Variants in HLCS observed in about 807,000 individuals in gnomAD.
HLCS encodes the protein biotin--protein ligase.
In HLCS, 53 loss-of-function variants were observed where a neutral mutation model predicts 75.0. That is an observed-to-expected ratio of 0.71 (90% CI 0.57 to 0.89). The LOEUF (loss-of-function observed/expected upper bound fraction) is 0.89, where lower values mean the gene tolerates loss of function less well. Among genes scored for constraint, HLCS ranks in the 40% least tolerant of loss-of-function variants. The probability of loss-of-function intolerance (pLI) is 0.00; values close to 1 mark genes in which losing one functional copy is unlikely to be tolerated. For missense variants in HLCS, 966 were observed against 1,074.0 expected (o/e 0.90, Z 1.41); for synonymous variants, 431 against 428.6 (o/e 1.01, Z -0.07).
chr21:36,923,908 A>C (rs1464614921), intron 5 of HLCS, among the ~76,000 whole-genome samples: 1 of 152,200 alleles, frequency 6.6e-6, no homozygotes, highest in Non-Finnish European at 1.5e-5. Context: ...AGAAAGAGGT[A>C]TATGAAAGAC....
At chr21:36,846,674 C>T (rs556104710) in intron 6 of HLCS, among the ~76,000 whole-genome samples, 11 of 152,212 alleles carry the variant, frequency 7.2e-5, no homozygotes, top group Admixed American at 2.0e-4. Context: ...GTCAATATAC[C>T]GCACAGAAAT....
chr21:36,852,731 C>T lies in HLCS; in HGVS notation c.1892+44129G>A, dbSNP rs143030273. 4.1e-3 allele frequency among the ~76,000 whole-genome samples: 627 copies of T among 152,258 alleles called. 5 individuals carry two copies. Among genetic ancestry groups the T allele is most frequent in the African/African-American group, 0.014 (594 of 41,564 alleles). On this transcript the variant is annotated intron_variant, in intron 6 of 10. Transcript: ENST00000674895. ...CTGATCGTTAAGCCATATTCTAAGA[C>T]CTTGAGGACCCCACCCCAAGTCCTA...
intron 5 of HLCS, among the ~76,000 whole-genome samples, chr21:36,920,308 G>A (rs1371935967): frequency 1.3e-5 from 2 of 149,680 alleles, no homozygotes; most frequent in African/African-American, 2.5e-5. Flanking sequence ...ACTCCAACCT[G>A]AGTGACAGAA....
At chr21:36,798,461 T>C (rs1031836833) in intron 6 of HLCS, among the ~76,000 whole-genome samples, 22 of 152,246 alleles carry the variant, frequency 1.4e-4, no homozygotes, top group Non-Finnish European at 2.9e-5. Context: ...CTGCTATGAA[T>C]ATCTACATAC....
intron 5 of HLCS, among the ~76,000 whole-genome samples, chr21:36,897,708 A>G (rs1321146615): frequency 6.6e-6 from 1 of 152,212 alleles, no homozygotes; most frequent in Non-Finnish European, 1.5e-5. Context: ...GGTACCCCAA[A>G]GCTGCTTTCT....
intron 1 of HLCS, among the ~76,000 whole-genome samples, chr21:36,979,224 A>G (rs1047702914): frequency 6.6e-6 from 1 of 151,668 alleles, no homozygotes; most frequent in Non-Finnish European, 1.5e-5. Flanking sequence ...GTGAGCCAAG[A>G]TCGCGCCACT....
chr21:36,851,113 T>C (rs754207696), intron 6 of HLCS, among the ~76,000 whole-genome samples: 3 of 152,222 alleles, frequency 2.0e-5, no homozygotes, highest in Non-Finnish European at 2.9e-5. Context: ...GAGAGAAAGA[T>C]ATTAGGTTAA....
At chr21:36,949,576 C>A (rs574749383) in intron 2 of HLCS, among the ~76,000 whole-genome samples, 2 of 152,338 alleles carry the variant, frequency 1.3e-5, no homozygotes, top group South Asian at 4.1e-4. Flanking sequence ...TCACTAAGGT[C>A]AGTTCAGATT....
chr21:36,937,537 C>G, intron 3 of HLCS, 145 bp from the exon 4 acceptor site: 2 of 758,186 alleles, frequency 2.6e-6, no homozygotes, highest in Admixed American at 4.1e-5. Flanking sequence ...CACCTGCATC[C>G]CCCCTCAACT....
chr21:36,860,913 C>T (rs947082963), intron 6 of HLCS, among the ~76,000 whole-genome samples: 6 of 152,186 alleles, frequency 3.9e-5, no homozygotes, highest in East Asian at 1.9e-4. Context: ...AATCAATTAC[C>T]GTCCACCTGG....
At chr21:36,940,238 T>A (rs968884327) in intron 2 of HLCS, among the ~76,000 whole-genome samples, 1 of 152,202 alleles carries the variant, frequency 6.6e-6, no homozygotes, top group African/African-American at 2.4e-5. Flanking sequence ...TTTTCTAAGA[T>A]GCCATGAACG....
At chr21:36,756,239 C>T (rs1047374251) in intron 10 of HLCS, among the ~76,000 whole-genome samples, 5 of 150,226 alleles carry the variant, frequency 3.3e-5, no homozygotes, top group Admixed American at 1.3e-4. Context: ...GAGATCGAGA[C>T]CATCCTGGCT....
At chr21:36,989,663 T>C (rs2069304696) in intron 1 of HLCS, among the ~76,000 whole-genome samples, 1 of 151,520 alleles carries the variant, frequency 6.6e-6, no homozygotes, top group African/African-American at 2.4e-5. Context: ...TATGTATCAG[T>C]CTTTTTTTTC....
At chr21:36,936,414 C>G in intron 4 of HLCS, 35 bp downstream of exon 4, 1 of 1,564,396 alleles carries the variant, frequency 6.4e-7, no homozygotes, top group Non-Finnish European at 8.8e-7. Context: ...CCCACAGATA[C>G]CCAAAGATCA....
chr21:36,803,585 G>A (rs2061273541), intron 6 of HLCS, among the ~76,000 whole-genome samples: 1 of 152,152 alleles, frequency 6.6e-6, no homozygotes, highest in East Asian at 1.9e-4. Flanking sequence ...GACAGGTTTT[G>A]GCTGTAAGAA....
intron 6 of HLCS, among the ~76,000 whole-genome samples, chr21:36,893,852 G>A (rs1282449829): frequency 6.6e-6 from 1 of 152,144 alleles, no homozygotes; most frequent in Admixed American, 6.5e-5. Context: ...TGAGATTCGT[G>A]GATTTGTTTA....
At chr21:36,795,768 G>A (rs530942787) in intron 6 of HLCS, among the ~76,000 whole-genome samples, 30 of 152,336 alleles carry the variant, frequency 2.0e-4, no homozygotes, top group African/African-American at 7.0e-4. Flanking sequence ...CAGAGATCCT[G>A]CCATTAATTC....
intron 6 of HLCS, among the ~76,000 whole-genome samples, chr21:36,831,944 A>T (rs951225285): frequency 1.3e-5 from 2 of 152,146 alleles, no homozygotes; most frequent in African/African-American, 4.8e-5. Context: ...ATCATTGATT[A>T]GACACAAGAC....
chr21:36,945,300 C>T (rs2067337243), intron 2 of HLCS, among the ~76,000 whole-genome samples: 1 of 151,758 alleles, frequency 6.6e-6, no homozygotes. Context: ...ACTTTCATGG[C>T]CATTTTTCAT....
Sources: allele counts gnomAD v4.1 joint callset (sites outside exome capture counted in the v4.1 genomes callset), GRCh38; gene constraint gnomAD v4.1.1; transcripts MANE v1.5; gene names NCBI Gene and HGNC (gene_info 2026-07-23, HGNC 2026-07-21).